The following VAT1L variants were observed in gnomAD, a reference collection of about 807,000 sequenced individuals.
The protein encoded by VAT1L is putative NADPH-dependent quinone oxidoreductase VAT1L.
Under a neutral mutation model 44.1 loss-of-function variants are expected in VAT1L, and 34 were observed. The observed-to-expected ratio is 0.77, with a 90% confidence interval of 0.59 to 1.03. The LOEUF (loss-of-function observed/expected upper bound fraction) is 1.03. VAT1L is among the 50% of genes least tolerant of loss of function. The pLI, the probability that VAT1L is intolerant of heterozygous loss-of-function variation, is 0.00. For synonymous variants in VAT1L, 253 were observed against 202.2 expected (o/e 1.25, Z -2.13); for missense variants, 615 against 538.8 (o/e 1.14, Z -1.40).
rs977622582 is a variant in VAT1L, at chr16:77,816,785, G to GAA, written c.234-127_234-126dup. ...ACTATTAGGGATACTTTGCCAAAAA[G>GAA]AAAAAAAAAAGACAGGAAGGAGTGA... On this transcript the variant is annotated intron_variant, in intron 1 of 8. Transcript: ENST00000302536. 93 of 1,086,188 alleles carry GAA rather than the reference G, an allele frequency of 8.6e-5. No homozygotes were observed. In the African/African-American group the frequency reaches 8.7e-4, roughly 10 times the overall value. The allele number at this position is 1,086,188 out of a possible 1,614,324, so 67.3% of individuals were successfully genotyped here. A position where few individuals can be genotyped will look rare whatever the true frequency, so the allele number is the denominator to read the frequency against.
intron 5 of VAT1L, among the ~76,000 whole-genome samples, chr16:77,877,335 C>T (rs1211910770): frequency 1.3e-5 from 2 of 151,714 alleles, no homozygotes; most frequent in Non-Finnish European, 1.5e-5. Context: ...ATGGTGAAAC[C>T]CCGTCTCTAC....
intron 7 of VAT1L, among the ~76,000 whole-genome samples, chr16:77,926,053 G>C (rs1177493667): frequency 6.7e-6 from 1 of 149,952 alleles, no homozygotes; most frequent in Non-Finnish European, 1.5e-5. Flanking sequence ...ACGAGGTCAG[G>C]AGATCGAGAC....
chr16:77,945,278 CTTT>C (rs56055464), intron 7 of VAT1L, among the ~76,000 whole-genome samples: 1 of 83,060 alleles, frequency 1.2e-5, no homozygotes, highest in Admixed American at 2.0e-4. Flanking sequence ...GATTGCAGAA[CTTT>C]TTTTTTTTTT....
intron 3 of VAT1L, among the ~76,000 whole-genome samples, chr16:77,828,671 T>TA (rs67506995): frequency 2.0e-5 from 3 of 149,704 alleles, no homozygotes; most frequent in South Asian, 4.3e-4. Flanking sequence ...CTCAAAAAAA[T>TA]AAAAAAATAA....
chr16:77,935,370 A>G (rs1003496904), intron 7 of VAT1L, among the ~76,000 whole-genome samples: 3 of 152,076 alleles, frequency 2.0e-5, no homozygotes, highest in Non-Finnish European at 2.9e-5. Flanking sequence ...TATTGTAGAG[A>G]ATTACAACTC....
At chr16:77,881,193 G>A (rs918516965) in intron 6 of VAT1L, among the ~76,000 whole-genome samples, 1 of 152,186 alleles carries the variant, frequency 6.6e-6, no homozygotes. Flanking sequence ...TTTTCACAAG[G>A]GTTTATTTTT....
intron 5 of VAT1L, among the ~76,000 whole-genome samples, chr16:77,878,920 A>G (rs1355246074): frequency 6.6e-6 from 1 of 152,200 alleles, no homozygotes; most frequent in Admixed American, 6.5e-5. Context: ...TTTTTGCTAT[A>G]TGCCAAATTT....
intron 3 of VAT1L, among the ~76,000 whole-genome samples, chr16:77,835,723 AT>A (rs1196744686): frequency 6.6e-6 from 1 of 152,108 alleles, no homozygotes; most frequent in East Asian, 1.9e-4. Context: ...AAATACAAAA[AT>A]TAGCCAGGCG....
At chr16:77,923,151 G>A (rs1386484619) in intron 7 of VAT1L, among the ~76,000 whole-genome samples, 4 of 152,176 alleles carry the variant, frequency 2.6e-5, no homozygotes, top group East Asian at 3.9e-4. Flanking sequence ...CTGAACATCC[G>A]TTAAAAGGAA....
chr16:77,973,797 C>G (rs964665016), intron 8 of VAT1L, among the ~76,000 whole-genome samples: 3 of 151,896 alleles, frequency 2.0e-5, no homozygotes, highest in African/African-American at 4.8e-5. Context: ...GCGATCTTGG[C>G]TCACTGCAAG....
intron 7 of VAT1L, among the ~76,000 whole-genome samples, chr16:77,971,140 C>T (rs962018976): frequency 1.3e-5 from 2 of 152,112 alleles, no homozygotes; most frequent in Non-Finnish European, 2.9e-5. Context: ...CTCATGCCTC[C>T]CTCCCCATCC....
chr16:77,803,731 T>C (rs1364480686), intron 1 of VAT1L, among the ~76,000 whole-genome samples: 2 of 152,160 alleles, frequency 1.3e-5, no homozygotes, highest in African/African-American at 4.8e-5. Flanking sequence ...ACATTCTTTT[T>C]ATCAGCAGTA....
intron 1 of VAT1L, among the ~76,000 whole-genome samples, chr16:77,801,988 G>C (rs983852832): frequency 1.3e-5 from 2 of 152,106 alleles, no homozygotes; most frequent in Non-Finnish European, 2.9e-5. Flanking sequence ...CCACCTTCCT[G>C]AAACAGTCCT....
At chr16:77,789,720 G>A (rs571119699) in intron 1 of VAT1L, among the ~76,000 whole-genome samples, 15 of 152,190 alleles carry the variant, frequency 9.9e-5, no homozygotes, top group African/African-American at 3.1e-4. Context: ...CAGTCTCCCC[G>A]GAATTCCTGG....
At chr16:77,848,656 C>T (rs1420851226) in intron 3 of VAT1L, among the ~76,000 whole-genome samples, 3 of 152,078 alleles carry the variant, frequency 2.0e-5, no homozygotes, top group African/African-American at 4.8e-5. Flanking sequence ...GTGATTTGCC[C>T]AACGCCAGCT....
chr16:77,887,893 A>G (rs2017225353), intron 7 of VAT1L, among the ~76,000 whole-genome samples: 1 of 152,162 alleles, frequency 6.6e-6, no homozygotes, highest in African/African-American at 2.4e-5. Flanking sequence ...AATACAGTCT[A>G]AATTCCTCAT....
intron 1 of VAT1L, among the ~76,000 whole-genome samples, chr16:77,798,004 A>G (rs1012533197): frequency 6.6e-6 from 1 of 152,298 alleles, no homozygotes; most frequent in Non-Finnish European, 1.5e-5. Context: ...ATCTTTGAAC[A>G]TGATATTTTC....
chr16:77,936,051 A>G (rs994067132), intron 7 of VAT1L, among the ~76,000 whole-genome samples: 1 of 152,040 alleles, frequency 6.6e-6, no homozygotes, highest in Admixed American at 6.6e-5. Flanking sequence ...TGGGGAGAAA[A>G]AAAAGGAGGT....
At chr16:77,820,980 C>T (rs1245737571) in intron 2 of VAT1L, among the ~76,000 whole-genome samples, 1 of 152,150 alleles carries the variant, frequency 6.6e-6, no homozygotes, top group Non-Finnish European at 1.5e-5. Context: ...CCCTTTAGAC[C>T]TACAGATGTT....
Sources: gnomAD v4.1 joint callset for allele counts (sites outside exome capture counted in the v4.1 genomes callset) on GRCh38, gnomAD v4.1.1 for gene constraint, MANE v1.5 for transcripts, NCBI Gene and HGNC (gene_info 2026-07-23, HGNC 2026-07-21) for gene names.